The following CDH13 variants were observed in gnomAD, a reference collection of about 807,000 sequenced individuals.
CDH13 encodes cadherin 13.
Under a neutral mutation model 63.8 loss-of-function variants are expected in CDH13, and 24 were observed. The ratio of observed to expected loss-of-function variants is 0.38; its 90% CI spans 0.27 to 0.53. The LOEUF is 0.53. CDH13 is among the 20% of genes least tolerant of loss of function. CDH13 has a pLI of 0.85. For missense variants in CDH13, 1,049 were observed against 903.1 expected (o/e 1.16, Z -2.07); for synonymous variants, 503 against 355.3 (o/e 1.42, Z -4.67).
intron 4 of CDH13, among the ~76,000 whole-genome samples, chr16:83,203,655 C>G (rs147719371): frequency 0.032 from 2,883 of 90,862 alleles, 42 homozygotes; most frequent in Middle Eastern, 0.14. Context: ...GAGTGAGACT[C>G]CATCTCAAAA....
chr16:83,067,894 C>T (rs1337585068), intron 3 of CDH13, among the ~76,000 whole-genome samples: 1 of 152,148 alleles, frequency 6.6e-6, no homozygotes, highest in Non-Finnish European at 1.5e-5. Flanking sequence ...ATTTCGCCAC[C>T]TGCTCTGGCC....
At chr16:82,758,961 T>C (rs1292045595) in intron 1 of CDH13, among the ~76,000 whole-genome samples, 1 of 152,208 alleles carries the variant, frequency 6.6e-6, no homozygotes, top group Admixed American at 6.5e-5. Flanking sequence ...AGTCCTTTGG[T>C]CCACCTAAGT....
At chr16:83,023,260 T>C (rs2151458476) in intron 2 of CDH13, among the ~76,000 whole-genome samples, 1 of 152,286 alleles carries the variant, frequency 6.6e-6, no homozygotes, top group East Asian at 1.9e-4. Context: ...TGTTGCCTTT[T>C]GTCTAATTTG....
chr16:83,716,357 C>T (rs981363615), intron 10 of CDH13, among the ~76,000 whole-genome samples: 4 of 152,204 alleles, frequency 2.6e-5, no homozygotes, highest in Non-Finnish European at 5.9e-5. Flanking sequence ...TAACAGCATG[C>T]ATCCACCATT....
chr16:83,369,997 C>A (rs550712758), intron 6 of CDH13, among the ~76,000 whole-genome samples: 4 of 152,202 alleles, frequency 2.6e-5, no homozygotes, highest in Admixed American at 6.5e-5. Context: ...ACAGTTGATG[C>A]CATCTGAAAC....
At position 82,783,113 on chromosome 16, in the gene CDH13, G is replaced by C. The variant is rs115823138; in HGVS notation, c.46-75249G>C. Among the ~76,000 whole-genome samples the C allele has an allele frequency of 6.6e-5, 10 of 152,328 alleles. No homozygotes were observed. In the East Asian group the frequency reaches 1.5e-3, roughly 24 times the overall value. On this transcript the variant is annotated intron_variant, in intron 1 of 13. Transcript: ENST00000567109. ...TCAATGTGAGCAAACGTTCCATTCC[G>C]TTATTGCAGGGTTGGCACCGAGGGA... is the stretch of plus-strand genomic sequence containing the variant.
At chr16:83,444,936 G>A (rs55956888) in intron 6 of CDH13, among the ~76,000 whole-genome samples, 10 of 31,632 alleles carry the variant, frequency 3.2e-4, no homozygotes, top group Non-Finnish European at 2.2e-4. Flanking sequence ...CTGTTCCCAC[G>A]TTGCAGGTAG....
In CDH13 at chr16:83,544,601, G is replaced by C. The variant is rs533559358; in HGVS notation, c.961-57853G>C. On this transcript the variant is annotated intron_variant, in intron 7 of 13. Transcript: ENST00000567109. ...TCATCCCAACATCACAAGAGGATAT[G>C]GCACCACATGTTGCTAACCCAGAAA... Among the ~76,000 whole-genome samples the C allele has an allele frequency of 1.3e-3, 195 of 152,214 alleles. 1 individual carries two copies. Among genetic ancestry groups the C allele is most frequent in the Non-Finnish European group, 2.0e-3 (138 of 68,008 alleles).
chr16:83,391,677 T>C (rs1472318631), intron 6 of CDH13, among the ~76,000 whole-genome samples: 1 of 152,158 alleles, frequency 6.6e-6, no homozygotes, highest in African/African-American at 2.4e-5. Context: ...CACCAACACA[T>C]TGCATCAGCT....
At chr16:82,631,356 TC>T (rs1907987361) in intron 1 of CDH13, among the ~76,000 whole-genome samples, 1 of 152,126 alleles carries the variant, frequency 6.6e-6, no homozygotes, top group Admixed American at 6.5e-5. Flanking sequence ...GAGATAACCT[TC>T]CCCCTTACAT....
chr16:83,007,347 A>C (rs556480583), intron 2 of CDH13, among the ~76,000 whole-genome samples: 3 of 152,332 alleles, frequency 2.0e-5, no homozygotes, highest in African/African-American at 7.2e-5. Context: ...TGAATTATAT[A>C]TATTAACATG....
intron 4 of CDH13, among the ~76,000 whole-genome samples, chr16:83,176,625 G>A (rs143926967): frequency 1.3e-5 from 2 of 151,694 alleles, no homozygotes; most frequent in East Asian, 1.9e-4. Context: ...TAATTCCACT[G>A]AGCATCCTCA....
chr16:82,642,102 A>G (rs1909477148), intron 1 of CDH13, among the ~76,000 whole-genome samples: 1 of 151,898 alleles, frequency 6.6e-6, no homozygotes, highest in African/African-American at 2.4e-5. Context: ...AAAAAAAAAA[A>G]AAAAAAAAAA....
At chr16:82,974,235 G>T (rs530235118) in intron 2 of CDH13, among the ~76,000 whole-genome samples, 1 of 152,074 alleles carries the variant, frequency 6.6e-6, no homozygotes. Flanking sequence ...CACCATGCCC[G>T]GCCTAAGCTT....
chr16:82,868,728 A>G (rs943787245), intron 2 of CDH13, among the ~76,000 whole-genome samples: 1 of 152,234 alleles, frequency 6.6e-6, no homozygotes, highest in Admixed American at 6.5e-5. Flanking sequence ...TTGGCTGCTT[A>G]GTGTGAGAAT....
At chr16:82,857,548 T>C (rs1350119496) in intron 1 of CDH13, among the ~76,000 whole-genome samples, 5 of 152,198 alleles carry the variant, frequency 3.3e-5, no homozygotes, top group Non-Finnish European at 7.3e-5. Flanking sequence ...TACATTATGT[T>C]CCAAATCACG....
At chr16:82,927,532 C>G (rs138112475) in intron 2 of CDH13, among the ~76,000 whole-genome samples, 1 of 152,248 alleles carries the variant, frequency 6.6e-6, no homozygotes, top group East Asian at 1.9e-4. Flanking sequence ...TTCATATGTG[C>G]CATTTTCTCT....
intron 1 of CDH13, among the ~76,000 whole-genome samples, chr16:82,805,481 A>T (rs940595938): frequency 6.6e-6 from 1 of 152,172 alleles, no homozygotes; most frequent in African/African-American, 2.4e-5. Context: ...AAATGCCAGA[A>T]GAGTGTATTT....
At chr16:83,596,468 A>G (rs1161818856) in intron 7 of CDH13, among the ~76,000 whole-genome samples, 3 of 152,208 alleles carry the variant, frequency 2.0e-5, no homozygotes, top group Non-Finnish European at 4.4e-5. Context: ...AAACATGACA[A>G]GTGGCCACTG....
Sources: gnomAD v4.1 joint callset for allele counts (sites outside exome capture counted in the v4.1 genomes callset) on GRCh38, gnomAD v4.1.1 for gene constraint, MANE v1.5 for transcripts, NCBI Gene and HGNC (gene_info 2026-07-23, HGNC 2026-07-21) for gene names.